Variants in BCAT1 observed in about 807,000 individuals in gnomAD.
The protein encoded by BCAT1 is branched chain amino acid transaminase 1, also known as branched-chain-amino-acid aminotransferase, cytosolic.
In BCAT1, 48 loss-of-function variants were observed where a neutral mutation model predicts 52.4. The ratio of observed to expected loss-of-function variants is 0.92; its 90% CI spans 0.73 to 1.16. The LOEUF is 1.16. Ranked by LOEUF, BCAT1 falls within the 50% of genes most tolerant of loss-of-function variation. The probability of loss-of-function intolerance (pLI) is 0.00; values close to 1 mark genes in which losing one functional copy is unlikely to be tolerated. For missense variants in BCAT1, 451 were observed against 457.1 expected (o/e 0.99, Z 0.12); for synonymous variants, 167 against 161.3 (o/e 1.04, Z -0.27).
At chr12:24,831,412 G>A (rs1357843227) in intron 9 of BCAT1, among the ~76,000 whole-genome samples, 1 of 152,144 alleles carries the variant, frequency 6.6e-6, no homozygotes, top group Non-Finnish European at 1.5e-5. Flanking sequence ...ACTTTGGGAG[G>A]TCAAGGCAGG....
chr12:24,873,298 G>C (rs953370665), intron 5 of BCAT1, among the ~76,000 whole-genome samples: 1 of 152,122 alleles, frequency 6.6e-6, no homozygotes, highest in African/African-American at 2.4e-5. Flanking sequence ...GAGCCCTCCA[G>C]ACTGTAGTTT....
At position 24,836,537 on chromosome 12, in the gene BCAT1, A is replaced by T. The variant is rs773316702; in HGVS notation, c.877T>A (p.Cys293Ser). 9.3e-6 allele frequency: 15 copies of T among 1,613,178 alleles called. No homozygotes were observed. In the South Asian group the frequency reaches 1.3e-4, roughly 14 times the overall value. Residue 293 changes from cysteine to serine, a missense_variant, in exon 8 of 11, where the codon TGC (cysteine) becomes AGC (serine). Transcript: ENST00000261192. ...CACTGATGTGCCAGGTCCAGAATGC[A>T]CCGCCTTGTCACTCCTGGAAGAATG... ...GIILPGVTRRCILDLAHQWGE... is the reference protein window; with the variant it reads ...GIILPGVTRRSILDLAHQWGE...
chr12:24,884,491 T>A (rs955326434), intron 3 of BCAT1, among the ~76,000 whole-genome samples: 2 of 152,252 alleles, frequency 1.3e-5, no homozygotes, highest in Non-Finnish European at 2.9e-5. Flanking sequence ...AAATTTCAAA[T>A]GTTCTCACCA....
intron 1 of BCAT1, among the ~76,000 whole-genome samples, chr12:24,942,006 A>C (rs1291783330): frequency 6.6e-6 from 1 of 152,230 alleles, no homozygotes; most frequent in African/African-American, 2.4e-5. Flanking sequence ...AAACGGTCTC[A>C]TGCACTAAAC....
chr12:24,901,478 C>T (rs117619873), intron 2 of BCAT1, among the ~76,000 whole-genome samples: 1,541 of 152,270 alleles, frequency 0.01, 81 homozygotes, highest in Admixed American at 0.087. Context: ...AGAAAAATCA[C>T]AGTTTAACTT....
At chr12:24,860,017 C>T (rs900193149) in intron 5 of BCAT1, among the ~76,000 whole-genome samples, 1 of 152,118 alleles carries the variant, frequency 6.6e-6, no homozygotes, top group Non-Finnish European at 1.5e-5. Flanking sequence ...ATAATTATAA[C>T]TGTTATGTAA....
At chr12:24,934,445 A>G (rs1943723601) in intron 1 of BCAT1, among the ~76,000 whole-genome samples, 1 of 152,210 alleles carries the variant, frequency 6.6e-6, no homozygotes, top group Non-Finnish European at 1.5e-5. Context: ...CAAGACCTTG[A>G]GCAGTGTCTG....
chr12:24,928,793 T>C (rs544882824), intron 1 of BCAT1, among the ~76,000 whole-genome samples: 2 of 152,146 alleles, frequency 1.3e-5, no homozygotes, highest in East Asian at 3.9e-4. Flanking sequence ...TGGAGTGCAA[T>C]GGTGCAATCT....
chr12:24,906,855 T>C (rs1401893079), intron 1 of BCAT1, among the ~76,000 whole-genome samples: 1 of 152,222 alleles, frequency 6.6e-6, no homozygotes, highest in East Asian at 1.9e-4. Flanking sequence ...AACCATGTTA[T>C]CCGCATCCTA....
chr12:24,873,050 T>G (rs1392195), intron 5 of BCAT1, among the ~76,000 whole-genome samples: 1 of 152,254 alleles, frequency 6.6e-6, no homozygotes, highest in Admixed American at 6.5e-5. Flanking sequence ...CACATGTGTT[T>G]GTACCACTGT....
intron 4 of BCAT1, 77 bp from the exon 5 acceptor site, chr12:24,878,726 T>G: frequency 7.6e-7 from 1 of 1,323,710 alleles, no homozygotes; most frequent in Non-Finnish European, 1.0e-6. Flanking sequence ...CACTGAAGCA[T>G]TTAAACTGTT....
At position 24,936,659 on chromosome 12, in the gene BCAT1, T is replaced by C. The variant is rs555135349; in HGVS notation, c.6+12268A>G. ...CTCCAGCTTCTACAAGCCACCTGCA[T>C]TCTTTGGCTCATCCTTATCCTCAGA... is the stretch of plus-strand genomic sequence containing the variant. On this transcript the variant is annotated intron_variant, in intron 1 of 10. Transcript: ENST00000261192. Among the ~76,000 whole-genome samples the C allele has an allele frequency of 7.9e-5, 12 of 151,338 alleles. No individual in the cohort carries two copies. In the South Asian group the frequency reaches 2.5e-3, roughly 32 times the overall value.
rs947530383 is a variant in BCAT1 at position 24,943,759 on chromosome 12, C to G, written c.6+5168G>C. ...CAGCACCTTGGGTGGCCGAGGCGGGCAGATCACGAGGTCAGGAGATCAAGA... is the reference window on the plus strand; with the variant it reads ...CAGCACCTTGGGTGGCCGAGGCGGGGAGATCACGAGGTCAGGAGATCAAGA... On this transcript the variant is annotated intron_variant, in intron 1 of 10. Coordinates refer to ENST00000261192, the MANE Select transcript of BCAT1 (RefSeq NM_005504.7). Among the ~76,000 whole-genome samples the G allele has an allele frequency of 2.0e-5, 3 of 152,040 alleles. No individual in the cohort carries two copies. In the East Asian group the frequency reaches 5.8e-4, roughly 29 times the overall value.
chr12:24,823,296 A>G (rs1940225776), intron 10 of BCAT1, among the ~76,000 whole-genome samples: 1 of 151,894 alleles, frequency 6.6e-6, no homozygotes, highest in Non-Finnish European at 1.5e-5. Flanking sequence ...CTGATCTCAA[A>G]CTCCTGGGCT....
chr12:24,851,521 T>C (rs559065967), intron 5 of BCAT1, among the ~76,000 whole-genome samples: 3 of 152,258 alleles, frequency 2.0e-5, no homozygotes, highest in Admixed American at 6.5e-5. Context: ...CCTTAGGAAA[T>C]GGGAAGGTAA....
intron 1 of BCAT1, among the ~76,000 whole-genome samples, chr12:24,927,683 C>T (rs1269350854): frequency 2.0e-5 from 3 of 152,286 alleles, no homozygotes; most frequent in African/African-American, 7.2e-5. Flanking sequence ...GAAGGAGATA[C>T]TGATGAGAAG....
intron 10 of BCAT1, among the ~76,000 whole-genome samples, chr12:24,821,467 T>C (rs1940123782): frequency 6.6e-6 from 1 of 152,196 alleles, no homozygotes; most frequent in African/African-American, 2.4e-5. Flanking sequence ...TGATTATTTG[T>C]TGACAGCAGT....
intron 5 of BCAT1, among the ~76,000 whole-genome samples, chr12:24,877,504 C>A (rs1440131381): frequency 2.6e-5 from 4 of 152,176 alleles, no homozygotes; most frequent in Admixed American, 2.6e-4. Context: ...AGACTGTGAC[C>A]CACCAGGAAA....
intron 3 of BCAT1, among the ~76,000 whole-genome samples, chr12:24,883,982 G>A (rs543810751): frequency 6.6e-6 from 1 of 152,142 alleles, no homozygotes; most frequent in Non-Finnish European, 1.5e-5. Flanking sequence ...TACCACTGCT[G>A]TTCCATAGCC....
Sources: allele counts gnomAD v4.1 joint callset (sites outside exome capture counted in the v4.1 genomes callset), GRCh38; gene constraint gnomAD v4.1.1; transcripts MANE v1.5; gene names NCBI Gene and HGNC (gene_info 2026-07-23, HGNC 2026-07-21).